The following GALNT13 variants were observed in gnomAD, a reference collection of about 807,000 sequenced individuals.
GALNT13 encodes the protein polypeptide N-acetylgalactosaminyltransferase 13.
Under a neutral mutation model 64.2 loss-of-function variants are expected in GALNT13, and 28 were observed. That is an observed-to-expected ratio of 0.44 (90% CI 0.32 to 0.60). The LOEUF (loss-of-function observed/expected upper bound fraction) is 0.60. Among genes scored for constraint, GALNT13 ranks in the 20% least tolerant of loss-of-function variants. The probability of loss-of-function intolerance (pLI) is 0.05; values close to 1 mark genes in which losing one functional copy is unlikely to be tolerated. For missense variants in GALNT13, 577 were observed against 669.8 expected (o/e 0.86, Z 1.53); for synonymous variants, 214 against 224.6 (o/e 0.95, Z 0.42).
At chr2:153,794,042 A>T in the GALNT13 span, among the ~76,000 whole-genome samples, 1 of 152,190 alleles carries the variant, frequency 6.6e-6, no homozygotes, top group African/African-American at 2.4e-5. Context: ...TCCTTTTGCT[A>T]TAAAGTATCT....
chr2:153,599,325 A>C, the GALNT13 span, among the ~76,000 whole-genome samples: 4 of 152,040 alleles, frequency 2.6e-5, no homozygotes, highest in Non-Finnish European at 5.9e-5. Context: ...TAATGAAAAC[A>C]GGTCTTATTT....
At chr2:154,447,801 C>T (rs1701669860) in intron 12 of GALNT13, among the ~76,000 whole-genome samples, 1 of 151,976 alleles carries the variant, frequency 6.6e-6, no homozygotes, top group Non-Finnish European at 1.5e-5. Flanking sequence ...GTCTTTTGCA[C>T]AAAGAGAACT....
At chr2:154,286,997 C>G in intron 8 of GALNT13, 1 of 582,652 alleles carries the variant, frequency 1.7e-6, no homozygotes, top group East Asian at 3.2e-5. Context: ...CACTTTGATG[C>G]AGGAGAACTG....
intron 9 of GALNT13, among the ~76,000 whole-genome samples, chr2:154,317,699 G>T (rs559419325): frequency 2.0e-5 from 3 of 152,178 alleles, no homozygotes; most frequent in Admixed American, 2.0e-4. Context: ...GGGACTCCTG[G>T]TTTATGCTTG....
At chr2:154,233,625 C>T (rs1188413967) in intron 4 of GALNT13, among the ~76,000 whole-genome samples, 2 of 152,180 alleles carry the variant, frequency 1.3e-5, no homozygotes, top group Non-Finnish European at 2.9e-5. Context: ...AAACACACAG[C>T]ACAATACCTG....
At chr2:153,648,524 G>A in the GALNT13 span, among the ~76,000 whole-genome samples, 2 of 152,122 alleles carry the variant, frequency 1.3e-5, no homozygotes, top group African/African-American at 4.8e-5. Context: ...TGGTGAGAGA[G>A]GACATCCCTG....
intron 3 of GALNT13, among the ~76,000 whole-genome samples, chr2:154,118,363 C>T (rs935971661): frequency 1.9e-4 from 28 of 145,726 alleles, no homozygotes; most frequent in African/African-American, 6.9e-4. Flanking sequence ...TTGAGATTCA[C>T]TTGTGTGGAA....
chr2:153,754,569 T>TC, the GALNT13 span, among the ~76,000 whole-genome samples: 1 of 151,920 alleles, frequency 6.6e-6, no homozygotes, highest in Non-Finnish European at 1.5e-5. Flanking sequence ...TGCAAGACAG[T>TC]CCCCCCACTC....
the GALNT13 span, among the ~76,000 whole-genome samples, chr2:153,650,902 T>A: frequency 1.3e-5 from 2 of 152,132 alleles, no homozygotes; most frequent in Non-Finnish European, 2.9e-5. Context: ...CTTCGTATCT[T>A]TTATAAATAA....
chr2:153,275,106 T>G, the GALNT13 span, among the ~76,000 whole-genome samples: 48 of 152,348 alleles, frequency 3.2e-4, no homozygotes, highest in African/African-American at 1.1e-3. Flanking sequence ...TTCCCTGTAC[T>G]GCCCCACTTC....
At chr2:153,599,565 G>A in the GALNT13 span, among the ~76,000 whole-genome samples, 1 of 151,844 alleles carries the variant, frequency 6.6e-6, no homozygotes, top group South Asian at 2.1e-4. Flanking sequence ...GGTAAGGCTG[G>A]GATTTGAACC....
chr2:153,238,791 G>T, the GALNT13 span, among the ~76,000 whole-genome samples: 4 of 151,970 alleles, frequency 2.6e-5, no homozygotes. Context: ...CTCCAGTTTT[G>T]CTCATTTTGC....
intron 4 of GALNT13, among the ~76,000 whole-genome samples, chr2:154,212,125 T>C (rs1687805670): frequency 6.6e-6 from 1 of 152,102 alleles, no homozygotes; most frequent in African/African-American, 2.4e-5. Flanking sequence ...GGAAAGAGAA[T>C]GAGAAGAAGT....
chr2:154,407,830 T>A (rs1228287514), intron 10 of GALNT13, among the ~76,000 whole-genome samples: 1 of 152,096 alleles, frequency 6.6e-6, no homozygotes, highest in Non-Finnish European at 1.5e-5. Context: ...GGGGCCTTAA[T>A]GCAAGTCATA....
At chr2:153,403,570 A>C in the GALNT13 span, among the ~76,000 whole-genome samples, 1 of 152,192 alleles carries the variant, frequency 6.6e-6, no homozygotes, top group East Asian at 1.9e-4. Flanking sequence ...CTGTGCTAGC[A>C]ATCAGCGAGA....
At chr2:153,666,615 C>T in the GALNT13 span, among the ~76,000 whole-genome samples, 1 of 152,138 alleles carries the variant, frequency 6.6e-6, no homozygotes, top group African/African-American at 2.4e-5. Flanking sequence ...CAAATTATAC[C>T]ACCATCGAAC....
At chr2:154,417,936 A>G (rs1208215357) in intron 11 of GALNT13, among the ~76,000 whole-genome samples, 1 of 151,724 alleles carries the variant, frequency 6.6e-6, no homozygotes, top group Non-Finnish European at 1.5e-5. Context: ...AGACTGCAGA[A>G]TTTTTTCTCT....
chr2:153,378,297 TAGATAGATAGATAA>T, the GALNT13 span, among the ~76,000 whole-genome samples: 279 of 148,984 alleles, frequency 1.9e-3, no homozygotes, highest in African/African-American at 6.3e-3. Context: ...GATAGATAGA[TAGATAGATAGATAA>T]TTTTTTTTTT....
At chr2:153,540,493 C>G in the GALNT13 span, among the ~76,000 whole-genome samples, 6 of 152,184 alleles carry the variant, frequency 3.9e-5, no homozygotes, top group African/African-American at 7.2e-5. Flanking sequence ...CACTGCCTAG[C>G]AGAGCTGTGA....
Sources: gnomAD v4.1 joint callset for allele counts (sites outside exome capture counted in the v4.1 genomes callset) on GRCh38, gnomAD v4.1.1 for gene constraint, MANE v1.5 for transcripts, NCBI Gene and HGNC (gene_info 2026-07-23, HGNC 2026-07-21) for gene names.